The following MEF2C variants were observed in gnomAD, a reference collection of about 807,000 sequenced individuals.
MEF2C encodes myocyte enhancer factor 2C, also known as myocyte-specific enhancer factor 2C.
Under a neutral mutation model 50.5 loss-of-function variants are expected in MEF2C, and 6 were observed. That is an observed-to-expected ratio of 0.12 (90% CI 0.07 to 0.23). The LOEUF (loss-of-function observed/expected upper bound fraction) is 0.23, where lower values mean the gene tolerates loss of function less well. Among genes scored for constraint, MEF2C ranks in the 10% least tolerant of loss-of-function variants. The probability of loss-of-function intolerance (pLI) is 1.00; values close to 1 mark genes in which losing one functional copy is unlikely to be tolerated. For synonymous variants in MEF2C, 183 were observed against 228.0 expected, an observed-to-expected ratio of 0.80 and a Z score of 1.78; for missense variants, 276 against 605.0, an observed-to-expected ratio of 0.46 and a Z score of 5.70.
chr5:88,893,834 T>A (rs1834844916), intron 1 of MEF2C, among the ~76,000 whole-genome samples: 1 of 152,132 alleles, frequency 6.6e-6, no homozygotes, highest in South Asian at 2.1e-4. Flanking sequence ...TCAATAAAAC[T>A]TTTAAATTTA....
Position 88,761,445 on chromosome 5 carries a change from T to C in MEF2C, c.259-117A>G. On this transcript the variant is annotated intron_variant, in intron 3 of 10. Transcript: ENST00000504921. ...AGGTTATTACATATGCTTTATTCTA[T>C]TAGGGAAGAGAAACCACAGATGAAA... 4 of 1,236,090 alleles carry C rather than the reference T, an allele frequency of 3.2e-6. No homozygotes were observed. Among genetic ancestry groups the C allele is most frequent in the Non-Finnish European group, 4.4e-6 (4 of 901,964 alleles). The allele number at this position is 1,236,090 out of a possible 1,614,324, so 76.6% of individuals were successfully genotyped here.
At chr5:88,833,894 G>A (rs72773806) in intron 1 of MEF2C, among the ~76,000 whole-genome samples, 4,091 of 152,212 alleles carry the variant, frequency 0.027, 92 homozygotes, top group Non-Finnish European at 0.038. Flanking sequence ...TCTATAAATA[G>A]TTGAAGCCCT....
intron 3 of MEF2C, among the ~76,000 whole-genome samples, chr5:88,764,844 T>TA (rs1234545272): frequency 6.7e-6 from 1 of 148,970 alleles, no homozygotes; most frequent in Non-Finnish European, 1.5e-5. Flanking sequence ...GTAGAAATTT[T>TA]AAAAAATTAG....
chr5:88,802,309 G>C (rs1447375029), intron 3 of MEF2C, among the ~76,000 whole-genome samples: 1 of 152,228 alleles, frequency 6.6e-6, no homozygotes, highest in Non-Finnish European at 1.5e-5. Context: ...GCACAAAAGT[G>C]CAAGACAAGG....
At chr5:88,821,205 A>G (rs1269122486) in intron 2 of MEF2C, among the ~76,000 whole-genome samples, 1 of 151,974 alleles carries the variant, frequency 6.6e-6, no homozygotes. Flanking sequence ...GCAACTATAT[A>G]TAAAAAAAGA....
intron 4 of MEF2C, among the ~76,000 whole-genome samples, chr5:88,759,496 G>A (rs650702): frequency 0.49 from 74,016 of 151,940 alleles, 19,361 homozygotes; most frequent in East Asian, 0.59. Context: ...AATAAAAATA[G>A]ATAAATAAAA....
At chr5:88,829,545 T>C (rs953482679) in intron 1 of MEF2C, among the ~76,000 whole-genome samples, 1 of 152,064 alleles carries the variant, frequency 6.6e-6, no homozygotes, top group African/African-American at 2.4e-5. Flanking sequence ...TTAAGATGTG[T>C]ATCTCTCAAC....
At chr5:88,748,761 G>A (rs1329533189) in intron 6 of MEF2C, 2 of 984,670 alleles carry the variant, frequency 2.0e-6, no homozygotes, top group Non-Finnish European at 2.4e-6. Context: ...CAAAAAGTAT[G>A]GTTTGCTAAA....
At chr5:88,851,048 C>A (rs552839404) in intron 1 of MEF2C, among the ~76,000 whole-genome samples, 1 of 151,904 alleles carries the variant, frequency 6.6e-6, no homozygotes, top group Non-Finnish European at 1.5e-5. Context: ...TCCTGTCCAA[C>A]GTGGTGAAAC....
At chr5:88,757,442 T>A (rs1377129822) in intron 4 of MEF2C, among the ~76,000 whole-genome samples, 1 of 152,094 alleles carries the variant, frequency 6.6e-6, no homozygotes, top group Non-Finnish European at 1.5e-5. Flanking sequence ...ACAACTCTGA[T>A]GACTTGTGAG....
chr5:88,891,348 A>G (rs1256346998), intron 1 of MEF2C, among the ~76,000 whole-genome samples: 2 of 151,504 alleles, frequency 1.3e-5, no homozygotes, highest in Non-Finnish European at 2.9e-5. Context: ...TGATTATGAT[A>G]TAACTAGGAT....
intron 1 of MEF2C, among the ~76,000 whole-genome samples, chr5:88,882,421 G>A (rs1249638814): frequency 6.6e-6 from 1 of 152,170 alleles, no homozygotes; most frequent in African/African-American, 2.4e-5. Flanking sequence ...CTTTGGTGAG[G>A]GAAGGAAATG....
At chr5:88,748,663 G>T in intron 6 of MEF2C, 1 of 576,694 alleles carries the variant, frequency 1.7e-6, no homozygotes, top group African/African-American at 2.0e-5. Flanking sequence ...TTTTCTTTAT[G>T]TACTCTTCTT....
intron 3 of MEF2C, among the ~76,000 whole-genome samples, chr5:88,776,488 G>A (rs188313312): frequency 1.3e-5 from 2 of 151,964 alleles, no homozygotes; most frequent in Admixed American, 6.6e-5. Context: ...CCTCATTCCC[G>A]CCCTCATCAA....
Position 88,804,631 on chromosome 5 carries a change from C to T in MEF2C, c.225G>A (p.Pro75=), listed in dbSNP as rs779924552. The change falls in exon 3 of 11, where the codon CCG becomes CCA. Residue 75 remains proline, a synonymous_variant. Transcript: ENST00000504921. ...VLLKYTEYNE[P]HESRTNSDIV... is the part of the protein sequence containing the mutation. ...TGTCTGAGTTTGTCCGGCTCTCATG[C>T]GGCTCGTTGTACTCCGTGTACTTGA... 2.7e-5 allele frequency: 43 copies of T among 1,613,958 alleles called. No homozygotes were observed. The highest frequency in any genetic ancestry group is 2.2e-4 in the South Asian group (20 of 91,076).
rs552060254 is a variant in MEF2C at position 88,880,916 on chromosome 5, A to G, written c.-143+2039T>C. Reference sequence around the variant, plus strand: ...ATAAAAAACAAATTAACATTTAATAAAACTTACACTTTAATATTATCTTTC... The same window carrying G: ...ATAAAAAACAAATTAACATTTAATAGAACTTACACTTTAATATTATCTTTC... On this transcript the variant is annotated intron_variant, in intron 1 of 10. Transcript: ENST00000504921. 7.9e-4 allele frequency: 120 copies of G among 152,306 alleles called. 1 individual carries two copies. The highest frequency in any genetic ancestry group is 1.2e-3 in the Non-Finnish European group (84 of 67,972). The allele number at this position is 152,306 out of a possible 1,614,324, so 9.4% of individuals were successfully genotyped here. A position where few individuals can be genotyped will look rare whatever the true frequency, so the allele number is the denominator to read the frequency against.
At chr5:88,798,661 T>G (rs1377794393) in intron 3 of MEF2C, among the ~76,000 whole-genome samples, 6 of 152,176 alleles carry the variant, frequency 3.9e-5, no homozygotes, top group African/African-American at 1.2e-4. Context: ...AAACTCATTC[T>G]CCATCCAGTT....
At chr5:88,889,923 C>T (rs1050291873) in intron 1 of MEF2C, among the ~76,000 whole-genome samples, 3 of 152,226 alleles carry the variant, frequency 2.0e-5, no homozygotes, top group African/African-American at 7.2e-5. Flanking sequence ...CGCTGGCACA[C>T]GGTCCACGTC....
chr5:88,781,592 T>C (rs1188822689), intron 3 of MEF2C, among the ~76,000 whole-genome samples: 1 of 152,162 alleles, frequency 6.6e-6, no homozygotes, highest in Non-Finnish European at 1.5e-5. Flanking sequence ...GCTTTTATTA[T>C]ATGGATGTGA....
Sources: allele counts gnomAD v4.1 joint callset (sites outside exome capture counted in the v4.1 genomes callset), GRCh38; gene constraint gnomAD v4.1.1; transcripts MANE v1.5; gene names NCBI Gene and HGNC (gene_info 2026-07-23, HGNC 2026-07-21).